Variants in RAP1B observed in about 807,000 individuals in gnomAD.
RAP1B encodes the protein RAP1B, member of RAS oncogene family, also known as ras-related protein Rap-1b.
RAP1B carries 1 observed loss-of-function variant against 27.5 expected under a neutral mutation model. The ratio of observed to expected loss-of-function variants is 0.04; its 90% confidence interval spans 0.01 to 0.17. RAP1B has a LOEUF of 0.17. Ranked by LOEUF, RAP1B falls within the 10% of genes least tolerant of loss-of-function variation. The pLI is 1.00. For synonymous variants in RAP1B, 75 were observed against 73.1 expected (o/e 1.03, Z -0.13); for missense variants, 84 against 214.8 (o/e 0.39, Z 3.81).
At chr12:68,626,072 T>G (rs1871753258) in intron 1 of RAP1B, among the ~76,000 whole-genome samples, 1 of 152,202 alleles carries the variant, frequency 6.6e-6, no homozygotes, top group South Asian at 2.1e-4. Context: ...TCTGTTTATT[T>G]CTATATTCGG....
intron 1 of RAP1B, among the ~76,000 whole-genome samples, chr12:68,629,130 G>T (rs1872047907): frequency 6.6e-6 from 1 of 152,114 alleles, no homozygotes; most frequent in Admixed American, 6.5e-5. Context: ...AGGGCCACAG[G>T]CATGCACCAC....
intron 1 of RAP1B, chr12:68,627,434 C>CT (rs1458891423): frequency 2.3e-6 from 1 of 441,324 alleles, no homozygotes; most frequent in Admixed American, 3.4e-5. Flanking sequence ...AGAGATTTTA[C>CT]TAATAATAGT....
intron 7 of RAP1B, 64 bp from the exon 8 acceptor site, chr12:68,659,216 G>A: frequency 4.4e-6 from 2 of 454,954 alleles, no homozygotes; most frequent in Admixed American, 2.4e-5. Context: ...TTTCTTAACT[G>A]TTTGCTTTTG....
chr12:68,646,471 C>G (rs796312304), intron 1 of RAP1B, among the ~76,000 whole-genome samples: 48 of 152,130 alleles, frequency 3.2e-4, no homozygotes, highest in African/African-American at 1.1e-3. Flanking sequence ...AATTTTTGTA[C>G]TTTTAGTAGA....
chr12:68,638,133 G>A (rs11177321), intron 1 of RAP1B, among the ~76,000 whole-genome samples: 12,298 of 152,136 alleles, frequency 0.081, 716 homozygotes, highest in Non-Finnish European at 0.12. Context: ...GTACAGTCTG[G>A]TGACACTTGG....
intron 3 of RAP1B, 56 bp from the exon 4 acceptor site, chr12:68,651,939 T>C: frequency 7.3e-7 from 1 of 1,375,328 alleles, no homozygotes; most frequent in East Asian, 2.3e-5. Flanking sequence ...TTGTGTATAT[T>C]AAGGTAGTTT....
At chr12:68,645,571 A>G (rs1462762485) in intron 1 of RAP1B, among the ~76,000 whole-genome samples, 15 of 152,262 alleles carry the variant, frequency 9.9e-5, no homozygotes, top group Non-Finnish European at 2.1e-4. Context: ...CAAATACGCT[A>G]TACAAATAAC....
At chr12:68,627,339 A>G in intron 1 of RAP1B, 2 of 739,644 alleles carry the variant, frequency 2.7e-6, no homozygotes, top group Non-Finnish European at 4.9e-6. Context: ...GGGCCCCCCC[A>G]TGAGGAAAGG....
At chr12:68,618,718 T>G (rs2135914472) in intron 1 of RAP1B, among the ~76,000 whole-genome samples, 1 of 152,004 alleles carries the variant, frequency 6.6e-6, no homozygotes, top group Middle Eastern at 3.4e-3. Context: ...AATCATTGTA[T>G]TATTCACTGC....
At chr12:68,626,143 G>GCTCC (rs938079934) in intron 1 of RAP1B, among the ~76,000 whole-genome samples, 1 of 152,164 alleles carries the variant, frequency 6.6e-6, no homozygotes, top group Non-Finnish European at 1.5e-5. Context: ...TCCTTGTGGA[G>GCTCC]GGTGGTGGTT....
At chr12:68,627,993 T>A (rs957666713) in intron 1 of RAP1B, among the ~76,000 whole-genome samples, 1 of 152,076 alleles carries the variant, frequency 6.6e-6, no homozygotes, top group Non-Finnish European at 1.5e-5. Flanking sequence ...TATAGTCCAG[T>A]TACTCAGGAT....
At chr12:68,652,120 C>T in intron 4 of RAP1B, 69 bp downstream of exon 4, 1 of 1,182,806 alleles carries the variant, frequency 8.5e-7, no homozygotes, top group South Asian at 1.4e-5. Flanking sequence ...TGCTAGTACT[C>T]TATAGACAAA....
At chr12:68,618,728 C>G (rs1232556018) in intron 1 of RAP1B, among the ~76,000 whole-genome samples, 1 of 151,030 alleles carries the variant, frequency 6.6e-6, no homozygotes, top group Non-Finnish European at 1.5e-5. Flanking sequence ...TTATTCACTG[C>G]CATGCACTCA....
Position 68,655,598 on chromosome 12 carries a change from C to T in RAP1B, c.325-708C>T, listed in dbSNP as rs144881664. On this transcript the variant is annotated intron_variant, in intron 5 of 7. Coordinates refer to ENST00000250559, the MANE Select transcript of RAP1B (RefSeq NM_001010942.3). ...TCGCCCAGGCTGGAGTGCAATGGCA[C>T]GATCTCAGCTCACTGCAACCTCTGC... Among the ~76,000 whole-genome samples, 402 of 147,704 alleles carry T rather than the reference C, an allele frequency of 2.7e-3. 2 individuals are homozygous for T. Among genetic ancestry groups the T allele is most frequent in the African/African-American group, 9.4e-3 (375 of 40,016 alleles).
In RAP1B at chr12:68,659,537, T is replaced by G. The variant is rs539741058; in HGVS notation, c.*288T>G. ...AAGAGACATTCTTCATCCACCAATGTTGTACATGTATGAAAATGGTGTACT... is the reference window on the plus strand; with the variant it reads ...AAGAGACATTCTTCATCCACCAATGGTGTACATGTATGAAAATGGTGTACT... On this transcript the variant is annotated 3_prime_UTR_variant, in exon 8 of 8. Coordinates refer to ENST00000250559, the MANE Select transcript of RAP1B (RefSeq NM_001010942.3). The G allele has an allele frequency of 7.3e-4, 229 of 311,976 alleles. 1 individual carries two copies. The highest frequency in any genetic ancestry group is 1.1e-3 in the Non-Finnish European group (178 of 158,012). The allele number at this position is 311,976 out of a possible 1,614,324, so 19.3% of individuals were successfully genotyped here.
Position 68,665,952 on chromosome 12 carries a change from C to T in RAP1B, c.*6703C>T. The T allele has an allele frequency of 6.6e-6, 1 of 152,172 alleles. No homozygotes were observed. The allele number at this position is 152,172 out of a possible 1,614,324, so 9.4% of individuals were successfully genotyped here. A position where few individuals can be genotyped will look rare whatever the true frequency, so the allele number is the denominator to read the frequency against. On this transcript the variant is annotated 3_prime_UTR_variant, in exon 8 of 8. Coordinates refer to ENST00000250559, the MANE Select transcript of RAP1B (RefSeq NM_001010942.3). ...CACTGCAACCTCCGCCTCCCAGGTTCAAGCAGTTCTCTGCCTCAGCCTCCC... is the reference window on the plus strand; with the variant it reads ...CACTGCAACCTCCGCCTCCCAGGTTTAAGCAGTTCTCTGCCTCAGCCTCCC...
Position 68,668,725 on chromosome 12 carries a change from G to A in RAP1B, c.*9476G>A, listed in dbSNP as rs1269431456. 3.3e-5 allele frequency: 5 copies of A among 152,108 alleles called. No homozygotes were observed. Among genetic ancestry groups the A allele is most frequent in the African/African-American group, 1.2e-4 (5 of 41,424 alleles). The allele number at this position is 152,108 out of a possible 1,614,324, so 9.4% of individuals were successfully genotyped here. A position where few individuals can be genotyped will look rare whatever the true frequency, so the allele number is the denominator to read the frequency against. ...TAGGCGCCTCAAATTCATTTAAAAT[G>A]AGGAATGATGAAAGAATAAGAAAAA... On this transcript the variant is annotated 3_prime_UTR_variant, in exon 8 of 8. Transcript: ENST00000250559.
In RAP1B at chr12:68,668,296, T is replaced by C. The variant is rs898917457; in HGVS notation, c.*9047T>C. 2.0e-5 allele frequency: 3 copies of C among 152,226 alleles called. No homozygotes were observed. The highest frequency in any genetic ancestry group is 4.4e-5 in the Non-Finnish European group (3 of 68,038). 9.4% of individuals were successfully genotyped at this position (152,226 alleles called of 1,614,324 possible). A position where few individuals can be genotyped will look rare whatever the true frequency, so the allele number is the denominator to read the frequency against. ...ACAGTGCCACTACCTACCTCCATAC[T>C]GTATCAGAGGAGCCAGTTGCACAGT... On this transcript the variant is annotated 3_prime_UTR_variant, in exon 8 of 8. Coordinates refer to ENST00000250559, the MANE Select transcript of RAP1B (RefSeq NM_001010942.3).
chr12:68,661,009 ATTATT>A lies in RAP1B; in HGVS notation c.*1764_*1768del, dbSNP rs1454661970. 4.6e-5 allele frequency: 7 copies of A among 152,332 alleles called. No homozygotes were observed. The highest frequency in any genetic ancestry group is 1.7e-4 in the African/African-American group (7 of 41,576). The allele number at this position is 152,332 out of a possible 1,614,324, so 9.4% of individuals were successfully genotyped here. Reference sequence around the variant, plus strand: ...TCTGTAAGAACTGAATTCTTATAGAATTATTTTAAAACTTTTTAAAAATTGTAAAG... The same window carrying A: ...TCTGTAAGAACTGAATTCTTATAGAATTAAAACTTTTTAAAAATTGTAAAG... On this transcript the variant is annotated 3_prime_UTR_variant, in exon 8 of 8. Transcript: ENST00000250559.
Sources: allele counts gnomAD v4.1 joint callset (sites outside exome capture counted in the v4.1 genomes callset), GRCh38; gene constraint gnomAD v4.1.1; transcripts MANE v1.5; gene names NCBI Gene and HGNC (gene_info 2026-07-23, HGNC 2026-07-21).